Variants in PPFIBP2 observed in about 807,000 individuals in gnomAD.
The protein encoded by PPFIBP2 is liprin-beta-2.
In PPFIBP2, 118 loss-of-function variants were observed where a neutral mutation model predicts 118.3. That is an observed-to-expected ratio of 1.00 (90% CI 0.86 to 1.16). PPFIBP2 has a LOEUF of 1.16. Among genes scored for constraint, PPFIBP2 ranks in the 50% most tolerant of loss-of-function variants. The pLI is 0.00. For synonymous variants in PPFIBP2, 414 were observed against 397.4 expected (o/e 1.04, Z -0.50); for missense variants, 1,195 against 1,073.1 (o/e 1.11, Z -1.59).
At chr11:7,579,680 A>G (rs1022199760) in intron 3 of PPFIBP2, among the ~76,000 whole-genome samples, 1 of 152,214 alleles carries the variant, frequency 6.6e-6, no homozygotes, top group South Asian at 2.1e-4. Flanking sequence ...ATGTGATGCA[A>G]TGTAAGAAGG....
At chr11:7,653,898 G>A (rs1854433445), downstream of PPFIBP2, 12 of 849,050 alleles carry the variant, frequency 1.4e-5, no homozygotes, top group South Asian at 2.3e-4. Flanking sequence ...GGATTCACCA[G>A]GGGGGTAGAG....
downstream of PPFIBP2, among the ~76,000 whole-genome samples, chr11:7,660,996 C>A (rs1231197878): frequency 1.3e-5 from 2 of 151,496 alleles, no homozygotes; most frequent in Non-Finnish European, 2.9e-5. Flanking sequence ...TGGTGATATC[C>A]CCTGTATCAT....
chr11:7,642,481 C>T (rs1852342819), intron 17 of PPFIBP2, 55 bp downstream of exon 17: 5 of 1,556,294 alleles, frequency 3.2e-6, no homozygotes, highest in Non-Finnish European at 4.4e-6. Context: ...GAAGTATCTC[C>T]CTTCAAACCT....
intron 15 of PPFIBP2, 143 bp downstream of exon 15, chr11:7,640,013 G>A: frequency 1.8e-6 from 2 of 1,126,812 alleles, no homozygotes; most frequent in Non-Finnish European, 2.3e-6. Flanking sequence ...GTACCTTGGG[G>A]TGGTCCCACC....
At chr11:7,554,002 C>T (rs1348074860) in intron 2 of PPFIBP2, among the ~76,000 whole-genome samples, 1 of 152,144 alleles carries the variant, frequency 6.6e-6, no homozygotes, top group Non-Finnish European at 1.5e-5. Context: ...GGTTCCTTTG[C>T]TTAAGGGTGG....
chr11:7,613,651 G>A (rs980215973), intron 6 of PPFIBP2, among the ~76,000 whole-genome samples: 1 of 152,172 alleles, frequency 6.6e-6, no homozygotes, highest in African/African-American at 2.4e-5. Context: ...AGATCCAGAG[G>A]TAAAGGAAAA....
chr11:7,534,951 G>T (rs961918912), intron 1 of PPFIBP2, among the ~76,000 whole-genome samples: 1 of 152,218 alleles, frequency 6.6e-6, no homozygotes, highest in Admixed American at 6.5e-5. Context: ...TGCATTGCAG[G>T]TGCATCACTA....
intron 1 of PPFIBP2, among the ~76,000 whole-genome samples, chr11:7,545,808 C>T (rs1852266064): frequency 6.6e-6 from 1 of 152,186 alleles, no homozygotes; most frequent in Non-Finnish European, 1.5e-5. Flanking sequence ...GAGGCCACTC[C>T]TGCAGGATGG....
chr11:7,516,822 A>C (rs547759268), intron 1 of PPFIBP2, among the ~76,000 whole-genome samples: 5 of 152,240 alleles, frequency 3.3e-5, no homozygotes, highest in Middle Eastern at 3.4e-3. Flanking sequence ...TGCTGGCGCA[A>C]CTGGCCTTGC....
chr11:7,641,529 T>C lies in PPFIBP2; in HGVS notation c.1426T>C (p.Ser476Pro), dbSNP rs1175184601. The change falls in exon 16 of 24, where the codon TCC becomes CCC. Residue 476 changes from serine (S) to proline (P), a missense_variant. By Grantham distance (74) the Ser-to-Pro change is moderately conservative. Coordinates refer to ENST00000299492, the MANE Select transcript of PPFIBP2 (RefSeq NM_003621.5). Reference protein sequence around the residue: ...DDTAVVNDLSSTSSGTESGPQ... With the variant: ...DDTAVVNDLSPTSSGTESGPQ... ...CACTGCTGTGGTCAATGACCTCTCA[T>C]CCACATCATCGGGCACTGAATCAGG... 4.3e-6 allele frequency: 7 copies of C among 1,613,584 alleles called. No individual in the cohort carries two copies. In the African/African-American group the frequency reaches 5.3e-5, roughly 12 times the overall value.
Position 7,648,424 on chromosome 11 carries a change from C to T in PPFIBP2, c.1684C>T (p.Arg562Cys), listed in dbSNP as rs753622546. 5.6e-6 allele frequency: 9 copies of T among 1,613,974 alleles called. No homozygotes were observed. Among genetic ancestry groups the T allele is most frequent in the East Asian group, 2.2e-5 (1 of 44,874 alleles). The stretch of plus-strand genomic sequence containing the variant: ...CCCCTTTGCCCAGTGGAGCACAGAG[C>T]GTGTGTGTGCATGGCTGGAGGACTT... ...NAPFAQWSTE[R>C]VCAWLEDFGL... The change falls in exon 18 of 24, where the codon CGT (arginine) becomes TGT (cysteine). Residue 562 changes from arginine to cysteine, a missense_variant. Transcript: ENST00000299492.
chr11:7,553,293 C>G (rs541532842), intron 2 of PPFIBP2, among the ~76,000 whole-genome samples: 1 of 152,244 alleles, frequency 6.6e-6, no homozygotes, highest in African/African-American at 2.4e-5. Context: ...AACTGGCTCA[C>G]ACAGATATTT....
downstream of PPFIBP2, chr11:7,653,827 C>T (rs1028276854): frequency 5.3e-5 from 62 of 1,178,832 alleles, no homozygotes; most frequent in South Asian, 6.1e-4. Context: ...TGGAGTCCTA[C>T]GGATTGCAGA....
At chr11:7,536,031 G>A (rs1038888572) in intron 1 of PPFIBP2, among the ~76,000 whole-genome samples, 2 of 152,190 alleles carry the variant, frequency 1.3e-5, no homozygotes, top group East Asian at 1.9e-4. Flanking sequence ...GACTGATGGC[G>A]AGTCTAAGCG....
rs140620572 is a variant in PPFIBP2 at position 7,583,658 on chromosome 11, C to T, written c.280-9474C>T. Among the ~76,000 whole-genome samples the T allele has an allele frequency of 3.5e-3, 525 of 151,906 alleles. 4 individuals carry two copies. The highest frequency in any genetic ancestry group is 0.012 in the African/African-American group (480 of 41,432). ...GAATTTAGCAGTGACCAAGCTCAGCCAAGGTTATAATTTTGGGGAAAAAAA... is the reference window on the plus strand; with the variant it reads ...GAATTTAGCAGTGACCAAGCTCAGCTAAGGTTATAATTTTGGGGAAAAAAA... On this transcript the variant is annotated intron_variant, in intron 3 of 23. Transcript: ENST00000299492.
chr11:7,551,631 A>G (rs1407330073), intron 2 of PPFIBP2, among the ~76,000 whole-genome samples: 4 of 152,224 alleles, frequency 2.6e-5, no homozygotes, highest in Non-Finnish European at 5.9e-5. Flanking sequence ...ATCACAAAGT[A>G]ACTTTCTGGG....
chr11:7,666,801 C>T, the PPFIBP2 span: 3 of 351,308 alleles, frequency 8.5e-6, no homozygotes, highest in African/African-American at 2.1e-5. Context: ...CTGCAGTGAC[C>T]GCCTCCAACT....
chr11:7,616,434 A>AG lies in PPFIBP2; in HGVS notation c.619-4500dup, dbSNP rs1467287135. On this transcript the variant is annotated intron_variant, in intron 6 of 23. Coordinates refer to ENST00000299492, the MANE Select transcript of PPFIBP2 (RefSeq NM_003621.5). The surrounding 1 kb of genome is among the most constrained non-coding windows in gnomAD (Gnocchi z 5.2). ...TGGTTTGCAAGAAGGGAGGAGACAA[A>AG]GTAGGGATCCGTGTCCTCAAGGAGT... Among the ~76,000 whole-genome samples the AG allele has an allele frequency of 6.6e-6, 1 of 152,192 alleles. No individual in the cohort carries two copies. Among genetic ancestry groups the AG allele is most frequent in the East Asian group, 1.9e-4 (1 of 5,194 alleles).
chr11:7,628,405 G>T, intron 9 of PPFIBP2, 59 bp downstream of exon 9: 2 of 1,469,026 alleles, frequency 1.4e-6, no homozygotes, highest in Non-Finnish European at 1.9e-6. Flanking sequence ...GCTGTGTTTG[G>T]TCCCTGCTGG....
Sources: allele counts gnomAD v4.1 joint callset (sites outside exome capture counted in the v4.1 genomes callset), GRCh38; gene constraint gnomAD v4.1.1; non-coding constraint Gnocchi (gnomAD v3.1); transcripts MANE v1.5; gene names NCBI Gene and HGNC (gene_info 2026-07-23, HGNC 2026-07-21).